The following CSMD3 variants were observed in gnomAD, a reference collection of about 807,000 sequenced individuals.
The protein encoded by CSMD3 is CUB and sushi domain-containing protein 3.
A neutral mutation model predicts 435.2 loss-of-function variants in CSMD3; 177 were observed. The ratio of observed to expected loss-of-function variants is 0.41; its 90% CI spans 0.36 to 0.46. The LOEUF is 0.46. CSMD3 is among the 20% of genes least tolerant of loss of function. The probability of loss-of-function intolerance (pLI) is 0.34; values close to 1 mark genes in which losing one functional copy is unlikely to be tolerated. For synonymous variants in CSMD3, 1,656 were observed against 1,520.5 expected (o/e 1.09, Z -2.07); for missense variants, 4,265 against 4,504.6 (o/e 0.95, Z 1.52).
chr8:113,074,588 G>T (rs2089264460), intron 5 of CSMD3, among the ~76,000 whole-genome samples: 1 of 151,816 alleles, frequency 6.6e-6, no homozygotes, highest in Non-Finnish European at 1.5e-5. Flanking sequence ...AATCTTACTT[G>T]CTATAGTTAG....
chr8:112,522,605 G>A (rs1260764975), intron 27 of CSMD3, among the ~76,000 whole-genome samples: 1 of 151,882 alleles, frequency 6.6e-6, no homozygotes, highest in Non-Finnish European at 1.5e-5. Flanking sequence ...ACTGTCATTT[G>A]TCATTTCAGT....
At chr8:113,043,209 C>G (rs964728469) in intron 5 of CSMD3, among the ~76,000 whole-genome samples, 1 of 152,152 alleles carries the variant, frequency 6.6e-6, no homozygotes, top group Non-Finnish European at 1.5e-5. Context: ...CAAGATCTAA[C>G]TTATATTTAT....
intron 12 of CSMD3, among the ~76,000 whole-genome samples, chr8:112,829,310 T>A (rs145824892): frequency 6.6e-6 from 1 of 152,168 alleles, no homozygotes; most frequent in Non-Finnish European, 1.5e-5. Flanking sequence ...GTATTTGTGA[T>A]GCATTTGTGA....
rs2082749993 is a variant in CSMD3 at position 112,921,738 on chromosome 8, C to T, written c.1522G>A (p.Val508Met). Residue 508 changes from valine (V) to methionine (M), a missense_variant, in exon 10 of 71, where the codon GTG (valine) becomes ATG (methionine). Coordinates refer to ENST00000297405, the MANE Select transcript of CSMD3 (RefSeq NM_198123.2). Reference protein sequence around the residue: ...IGSDFSLGSTVQFSCDEDYVL... With the variant: ...IGSDFSLGSTMQFSCDEDYVL... ...TAATCTTCATCACAAGAGAACTGCA[C>T]AGTTGATCCAAGGCTAAAGTTAAAT... The T allele has an allele frequency of 1.2e-6, 2 of 1,608,600 alleles. No individual in the cohort carries two copies. Among genetic ancestry groups the T allele is most frequent in the African/African-American group, 1.3e-5 (1 of 74,832 alleles).
At chr8:113,105,216 A>G (rs1231516537) in intron 4 of CSMD3, among the ~76,000 whole-genome samples, 1 of 152,150 alleles carries the variant, frequency 6.6e-6, no homozygotes, top group Non-Finnish European at 1.5e-5. Context: ...TAACTGTTTT[A>G]AAACATTAGA....
chr8:112,823,677 T>A (rs143497310), intron 12 of CSMD3, among the ~76,000 whole-genome samples: 2,980 of 152,284 alleles, frequency 0.02, 96 homozygotes, highest in African/African-American at 0.068. Context: ...TGCACTTTGG[T>A]CTGAGAGACT....
chr8:113,250,219 C>A (rs1257353515), intron 3 of CSMD3, among the ~76,000 whole-genome samples: 62 of 152,130 alleles, frequency 4.1e-4, no homozygotes, highest in Non-Finnish European at 2.4e-4. Flanking sequence ...TGCCTTCCCA[C>A]AACAGGTGAT....
chr8:112,645,658 A>G (rs1197732939), intron 19 of CSMD3, among the ~76,000 whole-genome samples: 1 of 152,184 alleles, frequency 6.6e-6, no homozygotes, highest in East Asian at 1.9e-4. Flanking sequence ...AGTGAGTTGT[A>G]AAAGTTTTTA....
intron 16 of CSMD3, among the ~76,000 whole-genome samples, chr8:112,669,837 T>C (rs1311553892): frequency 1.3e-5 from 2 of 152,166 alleles, no homozygotes; most frequent in Admixed American, 6.6e-5. Flanking sequence ...CTCAAAATAA[T>C]CTAGCCAGAT....
chr8:112,765,058 A>G (rs2077942144), intron 13 of CSMD3, among the ~76,000 whole-genome samples: 1 of 151,682 alleles, frequency 6.6e-6, no homozygotes, highest in East Asian at 1.9e-4. Flanking sequence ...GGACAGCGTC[A>G]TAAGATCTGA....
intron 38 of CSMD3, among the ~76,000 whole-genome samples, chr8:112,362,539 T>A (rs1827346492): frequency 2.6e-5 from 4 of 151,954 alleles, no homozygotes; most frequent in Admixed American, 2.6e-4. Context: ...CGTGTAGGTA[T>A]TATTCATTCA....
chr8:112,659,989 T>A (rs1054026244), intron 17 of CSMD3, among the ~76,000 whole-genome samples: 1 of 152,134 alleles, frequency 6.6e-6, no homozygotes, highest in African/African-American at 2.4e-5. Flanking sequence ...AAATATATTA[T>A]CTGATTTTTA....
At chr8:112,361,485 AG>A (rs1827196661) in intron 38 of CSMD3, among the ~76,000 whole-genome samples, 1 of 150,216 alleles carries the variant, frequency 6.7e-6, no homozygotes, top group Non-Finnish European at 1.5e-5. Flanking sequence ...AATCTGTATC[AG>A]AAATGTTGTT....
At chr8:112,331,282 A>T (rs1824027709) in intron 45 of CSMD3, among the ~76,000 whole-genome samples, 1 of 152,010 alleles carries the variant, frequency 6.6e-6, no homozygotes, top group African/African-American at 2.4e-5. Context: ...TCTACAGCAG[A>T]TATGAAGAAA....
intron 4 of CSMD3, among the ~76,000 whole-genome samples, chr8:113,170,121 C>A (rs1289097190): frequency 6.6e-6 from 1 of 152,262 alleles, no homozygotes; most frequent in Non-Finnish European, 1.5e-5. Flanking sequence ...CCAGGGAAAG[C>A]AATGAGTAGA....
At position 112,230,486 on chromosome 8, in the gene CSMD3, T is replaced by A. The variant is rs547556452; in HGVS notation, c.10828+1059A>T. Among the ~76,000 whole-genome samples, 263 of 152,276 alleles carry A rather than the reference T, an allele frequency of 1.7e-3. 1 individual carries two copies. The Middle Eastern group carries it at 0.031, about 18-fold the overall frequency. On this transcript the variant is annotated intron_variant, in intron 69 of 70. Coordinates refer to ENST00000297405, the MANE Select transcript of CSMD3 (RefSeq NM_198123.2). ...AGTACTGCTATGTAAAAGTTCAAAA[T>A]TTTTTAAAAAGTTCATTTTTGGCTG...
intron 4 of CSMD3, among the ~76,000 whole-genome samples, chr8:113,124,625 A>G (rs2091076300): frequency 6.6e-6 from 1 of 151,988 alleles, no homozygotes; most frequent in African/African-American, 2.4e-5. Flanking sequence ...AAGAATGACT[A>G]AGGATCAGAA....
intron 19 of CSMD3, among the ~76,000 whole-genome samples, 157 bp downstream of exon 19, chr8:112,650,004 T>G (rs545150022): frequency 6.6e-6 from 1 of 152,300 alleles, no homozygotes; most frequent in Non-Finnish European, 1.5e-5. Flanking sequence ...CAATAGTCTT[T>G]ATTTCATGAA....
chr8:113,404,312 T>C (rs991860162), intron 1 of CSMD3, among the ~76,000 whole-genome samples: 6 of 151,560 alleles, frequency 4.0e-5, no homozygotes, highest in African/African-American at 1.4e-4. Context: ...AAATTAGACA[T>C]GCTTTAAGTT....
Sources: allele counts gnomAD v4.1 joint callset (sites outside exome capture counted in the v4.1 genomes callset), GRCh38; gene constraint gnomAD v4.1.1; transcripts MANE v1.5; gene names NCBI Gene and HGNC (gene_info 2026-07-23, HGNC 2026-07-21).